DCC: variants seen among roughly 807,000 people sequenced by gnomAD.
DCC encodes the protein DCC netrin 1 receptor, also known as netrin receptor DCC.
Under a neutral mutation model 172.5 loss-of-function variants are expected in DCC, and 58 were observed. The observed-to-expected ratio is 0.34, with a 90% CI of 0.27 to 0.42. The LOEUF is 0.42. Ranked by LOEUF, DCC falls within the 10% of genes least tolerant of loss-of-function variation. The probability of loss-of-function intolerance (pLI) is 1.00; values close to 1 mark genes in which losing one functional copy is unlikely to be tolerated. For synonymous variants in DCC, 709 were observed against 644.5 expected, an observed-to-expected ratio of 1.10 and a Z score of -1.52; for missense variants, 1,740 against 1,791.0, an observed-to-expected ratio of 0.97 and a Z score of 0.51.
chr18:53,341,821 A>C (rs1346422379), intron 15 of DCC, among the ~76,000 whole-genome samples: 1 of 152,172 alleles, frequency 6.6e-6, no homozygotes, highest in African/African-American at 2.4e-5. Context: ...ATAAATCACC[A>C]ATTGTTTTAT....
intron 23 of DCC, among the ~76,000 whole-genome samples, chr18:53,453,654 A>G (rs1208272446): frequency 2.0e-5 from 3 of 152,162 alleles, no homozygotes; most frequent in African/African-American, 7.2e-5. Context: ...TTTCATTTTT[A>G]TTATATAAAA....
intron 1 of DCC, among the ~76,000 whole-genome samples, chr18:52,646,703 C>G (rs949141615): frequency 4.6e-5 from 7 of 152,180 alleles, no homozygotes. Context: ...AGGACAGGGT[C>G]TGGAAGGATC....
chr18:52,877,802 T>A (rs550745166), intron 2 of DCC, among the ~76,000 whole-genome samples: 6 of 52,958 alleles, frequency 1.1e-4, no homozygotes, highest in Non-Finnish European at 2.8e-4. Flanking sequence ...TCTGTGGAAG[T>A]CATGAGATTA....
intron 1 of DCC, among the ~76,000 whole-genome samples, chr18:52,487,492 A>T (rs1197038999): frequency 6.6e-6 from 1 of 152,114 alleles, no homozygotes; most frequent in Non-Finnish European, 1.5e-5. Flanking sequence ...AACGAAAAGC[A>T]CTAAATTAAT....
At chr18:53,367,395 T>A (rs2058018410) in intron 15 of DCC, among the ~76,000 whole-genome samples, 3 of 152,162 alleles carry the variant, frequency 2.0e-5, no homozygotes, top group Admixed American at 1.3e-4. Context: ...TTTACAATAT[T>A]TTTGAAATTT....
At chr18:52,644,809 A>AGGG (rs1568271811) in intron 1 of DCC, among the ~76,000 whole-genome samples, 115 of 104,042 alleles carry the variant, frequency 1.1e-3, no homozygotes, top group African/African-American at 3.2e-3. Context: ...GGAAGGAAGG[A>AGGG]AGGGAGGGAG....
rs148526553 is a variant in DCC at position 52,913,451 on chromosome 18, G to T, written c.697+7123G>T. On this transcript the variant is annotated intron_variant, in intron 3 of 28. Coordinates refer to ENST00000442544, the MANE Select transcript of DCC (RefSeq NM_005215.4). ...GGACTGATTACATTTTTCTAGTCAT[G>T]TCTATCATTCTAAAATTAGTGATCT... 2.6e-5 allele frequency among the ~76,000 whole-genome samples: 4 copies of T among 152,086 alleles called. No individual in the cohort carries two copies. The East Asian group carries it at 7.7e-4, about 29-fold the overall frequency.
At position 53,127,136 on chromosome 18, in the gene DCC, G is replaced by GT. The variant is rs11285251; in HGVS notation, c.1262-30205dup. On this transcript the variant is annotated intron_variant, in intron 7 of 28. Coordinates refer to ENST00000442544, the MANE Select transcript of DCC (RefSeq NM_005215.4). ...AATACGAGACTAGCTTTTGATCGTT[G>GT]TTTTTTTTTTTTTTTCATTTAAATT... Among the ~76,000 whole-genome samples the GT allele has an allele frequency of 9.8e-3, 1,261 of 129,212 alleles. 11 individuals carry two copies. Among genetic ancestry groups the GT allele is most frequent in the African/African-American group, 0.014 (491 of 35,126 alleles). 84.8% of individuals were successfully genotyped at this position (129,212 alleles called of 152,430 possible).
chr18:53,288,238 C>A (rs1424123822), intron 12 of DCC, among the ~76,000 whole-genome samples: 3 of 152,044 alleles, frequency 2.0e-5, no homozygotes, highest in African/African-American at 7.2e-5. Context: ...ATCAACAAAC[C>A]TTTTCATTTC....
chr18:53,063,109 C>T (rs2042518922), intron 5 of DCC, among the ~76,000 whole-genome samples, 196 bp from the exon 6 acceptor site: 1 of 151,968 alleles, frequency 6.6e-6, no homozygotes, highest in African/African-American at 2.4e-5. Context: ...CTAACTGCAA[C>T]TGTTTAACTG....
chr18:53,486,738 T>C, intron 25 of DCC, 59 bp from the exon 26 acceptor site: 2 of 1,612,276 alleles, frequency 1.2e-6, no homozygotes, highest in East Asian at 2.2e-5. Flanking sequence ...CGTTTTCTTT[T>C]TTGCTTGTTG....
chr18:52,771,045 G>T (rs191004932), intron 2 of DCC, among the ~76,000 whole-genome samples: 3 of 152,264 alleles, frequency 2.0e-5, no homozygotes, highest in South Asian at 4.1e-4. Context: ...CCATTTTAAA[G>T]AAATAATCCG....
At chr18:52,378,290 T>C (rs562702509) in intron 1 of DCC, among the ~76,000 whole-genome samples, 72 of 150,882 alleles carry the variant, frequency 4.8e-4, no homozygotes, top group Non-Finnish European at 9.6e-4. Context: ...GGCATCTAAC[T>C]AATAGAGATG....
intron 22 of DCC, among the ~76,000 whole-genome samples, chr18:53,444,037 G>C (rs914830555): frequency 4.6e-5 from 7 of 152,196 alleles, no homozygotes; most frequent in African/African-American, 1.7e-4. Flanking sequence ...TGAAGATGTT[G>C]TGAATATTTT....
chr18:53,184,586 A>T (rs1239296336), intron 9 of DCC, among the ~76,000 whole-genome samples: 1 of 152,110 alleles, frequency 6.6e-6, no homozygotes, highest in Non-Finnish European at 1.5e-5. Flanking sequence ...TACTGCAGGC[A>T]ATTATAACAC....
At chr18:52,537,665 C>G (rs188207829) in intron 1 of DCC, among the ~76,000 whole-genome samples, 2 of 152,004 alleles carry the variant, frequency 1.3e-5, no homozygotes, top group African/African-American at 4.8e-5. Flanking sequence ...AAAACAATGA[C>G]GACGAATGAA....
intron 1 of DCC, among the ~76,000 whole-genome samples, chr18:52,418,864 T>TCTTTCTTTCTTTC (rs1987144183): frequency 7.0e-6 from 1 of 142,726 alleles, no homozygotes; most frequent in Non-Finnish European, 1.5e-5. Context: ...CTTTCTTTTT[T>TCTTTCTTTCTTTC]TTTTTTTTTT....
intron 3 of DCC, among the ~76,000 whole-genome samples, chr18:52,912,814 C>T (rs1025238598): frequency 3.9e-5 from 6 of 151,988 alleles, no homozygotes; most frequent in African/African-American, 1.4e-4. Context: ...TTATTTCACT[C>T]CATACTCACC....
chr18:53,150,867 G>A (rs139465547), intron 7 of DCC, among the ~76,000 whole-genome samples: 45 of 152,284 alleles, frequency 3.0e-4, no homozygotes, highest in Non-Finnish European at 4.6e-4. Flanking sequence ...ACCTAGCTCC[G>A]CACTCTCAGA....
Sources: allele counts gnomAD v4.1 joint callset (sites outside exome capture counted in the v4.1 genomes callset), GRCh38; gene constraint gnomAD v4.1.1; transcripts MANE v1.5; gene names NCBI Gene and HGNC (gene_info 2026-07-23, HGNC 2026-07-21).